Variants in PDGFD observed in about 807,000 individuals in gnomAD.
PDGFD encodes platelet derived growth factor D, also known as platelet-derived growth factor D.
Under a neutral mutation model 44.7 loss-of-function variants are expected in PDGFD, and 30 were observed. That is an observed-to-expected ratio of 0.67 (90% confidence interval 0.50 to 0.91). PDGFD has a LOEUF of 0.91. Among genes scored for constraint, PDGFD ranks in the 40% least tolerant of loss-of-function variants. The probability of loss-of-function intolerance (pLI) is 0.00; values close to 1 mark genes in which losing one functional copy is unlikely to be tolerated. For synonymous variants in PDGFD, 173 were observed against 168.4 expected (o/e 1.03, Z -0.21); for missense variants, 445 against 457.8 (o/e 0.97, Z 0.25).
At chr11:103,953,984 A>G (rs1858798486) in intron 3 of PDGFD, among the ~76,000 whole-genome samples, 2 of 152,024 alleles carry the variant, frequency 1.3e-5, no homozygotes, top group Admixed American at 6.5e-5. Context: ...GTCAGGCTCA[A>G]TTTGAGAACA....
intron 1 of PDGFD, among the ~76,000 whole-genome samples, chr11:104,016,832 G>C (rs12797862): frequency 0.3 from 44,944 of 152,080 alleles, 8,120 homozygotes; most frequent in Admixed American, 0.48. Context: ...GGGATTGGCA[G>C]AAAAATCTTT....
chr11:104,139,148 T>C (rs1369680620), intron 1 of PDGFD, among the ~76,000 whole-genome samples: 1 of 152,060 alleles, frequency 6.6e-6, no homozygotes, highest in Non-Finnish European at 1.5e-5. Flanking sequence ...GATAATTCAT[T>C]TATCTGATCT....
At chr11:104,114,446 GATCTATTGGTAT>G (rs1324760505) in intron 1 of PDGFD, among the ~76,000 whole-genome samples, 1 of 152,002 alleles carries the variant, frequency 6.6e-6, no homozygotes, top group African/African-American at 2.4e-5. Flanking sequence ...CCGTTCCACT[GATCTATTGGTAT>G]ATTGTTTTAA....
chr11:103,981,504 G>A lies in PDGFD; in HGVS notation c.510+14561C>T, dbSNP rs183484006. On this transcript the variant is annotated intron_variant, in intron 3 of 6. Coordinates refer to ENST00000393158, the MANE Select transcript of PDGFD (RefSeq NM_025208.5). ...TGTACACAGACTGTGTACCAAACCC[G>A]TATATTTTAAAGATAATCTTCAAGC... Among the ~76,000 whole-genome samples the A allele has an allele frequency of 1.3e-3, 198 of 151,676 alleles. 1 individual carries two copies. The highest frequency in any genetic ancestry group is 1.2e-3 in the Admixed American group (18 of 15,234).
chr11:104,114,104 A>G (rs1480724527), intron 1 of PDGFD, among the ~76,000 whole-genome samples: 2 of 152,036 alleles, frequency 1.3e-5, no homozygotes, highest in Admixed American at 6.6e-5. Flanking sequence ...ATTTTAATAA[A>G]GTATAGCTTA....
chr11:104,105,886 T>C (rs182531205), intron 1 of PDGFD, among the ~76,000 whole-genome samples: 1 of 152,116 alleles, frequency 6.6e-6, no homozygotes, highest in African/African-American at 2.4e-5. Context: ...CTTCTAAGTG[T>C]TATATATAAG....
In PDGFD at chr11:103,948,802, T is replaced by A. The variant is rs561990348; in HGVS notation, c.511-1078A>T. 2.0e-5 allele frequency among the ~76,000 whole-genome samples: 3 copies of A among 152,078 alleles called. No individual in the cohort carries two copies. The East Asian group carries it at 5.8e-4, about 29-fold the overall frequency. On this transcript the variant is annotated intron_variant, in intron 3 of 6. Transcript: ENST00000393158. ...TGATGAGGCTGGTTTATATATAAATTTCCTGTGTTTAATAAAATTTCAGCT... is the reference window on the plus strand; with the variant it reads ...TGATGAGGCTGGTTTATATATAAATATCCTGTGTTTAATAAAATTTCAGCT...
chr11:103,962,946 T>C (rs1030080024), intron 3 of PDGFD, among the ~76,000 whole-genome samples: 1 of 152,130 alleles, frequency 6.6e-6, no homozygotes, highest in Non-Finnish European at 1.5e-5. Context: ...AAATCACCTG[T>C]TACAAATTCT....
At chr11:103,948,430 GA>G (rs1238924934) in intron 3 of PDGFD, among the ~76,000 whole-genome samples, 4 of 152,174 alleles carry the variant, frequency 2.6e-5, no homozygotes, top group African/African-American at 9.6e-5. Context: ...AGATCACACA[GA>G]AAAAACTTCT....
chr11:103,992,744 C>A (rs546858343), intron 3 of PDGFD, among the ~76,000 whole-genome samples: 1 of 152,318 alleles, frequency 6.6e-6, no homozygotes, highest in East Asian at 1.9e-4. Context: ...ATCCATTAGT[C>A]TCCACAGTTT....
chr11:104,070,865 AC>A (rs1860863128), intron 1 of PDGFD, among the ~76,000 whole-genome samples: 1 of 152,186 alleles, frequency 6.6e-6, no homozygotes. Flanking sequence ...TTATGCATAT[AC>A]ATTTTCATTA....
intron 1 of PDGFD, among the ~76,000 whole-genome samples, chr11:104,107,325 C>G (rs1039811523): frequency 4.6e-5 from 7 of 152,068 alleles, no homozygotes; most frequent in African/African-American, 1.7e-4. Context: ...TTATACGGCA[C>G]GCGATGCTGG....
intron 1 of PDGFD, among the ~76,000 whole-genome samples, chr11:104,141,354 G>A (rs759912651): frequency 6.6e-5 from 10 of 151,566 alleles, no homozygotes; most frequent in South Asian, 2.1e-4. Context: ...TGCTTGCTTC[G>A]GCAGCACATA....
At chr11:104,030,416 C>T (rs924076603) in intron 1 of PDGFD, among the ~76,000 whole-genome samples, 4 of 152,178 alleles carry the variant, frequency 2.6e-5, no homozygotes, top group East Asian at 1.9e-4. Context: ...GAAATCTTCA[C>T]GAACTCTAAA....
At chr11:104,096,877 T>C (rs1418037491) in intron 1 of PDGFD, among the ~76,000 whole-genome samples, 1 of 152,222 alleles carries the variant, frequency 6.6e-6, no homozygotes, top group Non-Finnish European at 1.5e-5. Context: ...GGAGTAGTGA[T>C]GTGGCCAGAC....
At chr11:104,037,966 A>C (rs1411446062) in intron 1 of PDGFD, 2 of 1,614,058 alleles carry the variant, frequency 1.2e-6, no homozygotes, top group Non-Finnish European at 1.7e-6. Context: ...GTCTTCGGAC[A>C]AGGAAATTAC....
chr11:104,100,840 A>G (rs986194541), intron 1 of PDGFD, among the ~76,000 whole-genome samples: 2 of 152,162 alleles, frequency 1.3e-5, no homozygotes, highest in Non-Finnish European at 2.9e-5. Flanking sequence ...AACACAACCA[A>G]CGACAAAAAC....
intron 1 of PDGFD, among the ~76,000 whole-genome samples, chr11:104,058,058 T>C (rs1300298883): frequency 6.6e-6 from 1 of 152,138 alleles, no homozygotes; most frequent in Non-Finnish European, 1.5e-5. Flanking sequence ...GCCTGTAATA[T>C]TTCTAAAAGA....
chr11:104,063,819 T>C (rs1387295987), intron 1 of PDGFD, among the ~76,000 whole-genome samples: 1 of 152,088 alleles, frequency 6.6e-6, no homozygotes, highest in Non-Finnish European at 1.5e-5. Flanking sequence ...TCCAGTCACC[T>C]CCCATCAGGT....
Sources: allele counts gnomAD v4.1 joint callset (sites outside exome capture counted in the v4.1 genomes callset), GRCh38; gene constraint gnomAD v4.1.1; transcripts MANE v1.5; gene names NCBI Gene and HGNC (gene_info 2026-07-23, HGNC 2026-07-21).